TMEM40: variants seen among roughly 807,000 people sequenced by gnomAD.
TMEM40 encodes the protein transmembrane protein 40.
In TMEM40, 34 loss-of-function variants were observed where a neutral mutation model predicts 40.8. The observed-to-expected ratio is 0.83, with a 90% confidence interval of 0.63 to 1.11. TMEM40 has a LOEUF of 1.11. Ranked by LOEUF, TMEM40 falls within the 50% of genes least tolerant of loss-of-function variation. The pLI, the probability that TMEM40 is intolerant of heterozygous loss-of-function variation, is 0.00. For synonymous variants in TMEM40, 106 were observed against 107.0 expected, an observed-to-expected ratio of 0.99 and a Z score of 0.06; for missense variants, 296 against 280.2, an observed-to-expected ratio of 1.06 and a Z score of -0.40.
Position 12,768,901 on chromosome 3 carries a change from G to GC in TMEM40, c.-9+349dup, listed in dbSNP as rs1412461747. Among the ~76,000 whole-genome samples, 50 of 123,228 alleles carry GC rather than the reference G, an allele frequency of 4.1e-4. 1 individual carries two copies. In the East Asian group the frequency reaches 4.3e-3, roughly 10 times the overall value. 80.8% of individuals were successfully genotyped at this position (123,228 alleles called of 152,430 possible). On this transcript the variant is annotated intron_variant, in intron 1 of 11. Coordinates refer to the TMEM40 transcript ENST00000264728. ...GGAGCCCATGGCGGGGCGGGGCGGG[G>GC]CAGGGCGGGCCGGGGCCGGGGCCGG...
intron 1 of TMEM40, among the ~76,000 whole-genome samples, chr3:12,753,094 G>A (rs1273407832): frequency 2.6e-5 from 4 of 152,124 alleles, no homozygotes; most frequent in Non-Finnish European, 1.5e-5. Flanking sequence ...TGAAGGGGAG[G>A]AATGGAACCA....
intron 1 of TMEM40, among the ~76,000 whole-genome samples, chr3:12,753,357 T>C (rs145853708): frequency 0.016 from 2,487 of 151,682 alleles, 64 homozygotes; most frequent in African/African-American, 0.053. Flanking sequence ...GCTGGGACTA[T>C]AGGCATTTGC....
At chr3:12,753,211 C>T (rs373990038) in intron 1 of TMEM40, among the ~76,000 whole-genome samples, 1 of 76,308 alleles carries the variant, frequency 1.3e-5, no homozygotes, top group Non-Finnish European at 2.3e-5. Context: ...TTCTTTCTTT[C>T]TTTTTTTTTT....
At chr3:12,739,814 A>G (rs2061367383) in intron 5 of TMEM40, among the ~76,000 whole-genome samples, 1 of 151,826 alleles carries the variant, frequency 6.6e-6, no homozygotes, top group African/African-American at 2.4e-5. Flanking sequence ...TCACATTCAT[A>G]ATTTTATTTT....
intron 1 of TMEM40, among the ~76,000 whole-genome samples, chr3:12,751,053 T>C (rs904464349): frequency 6.6e-6 from 1 of 152,058 alleles, no homozygotes; most frequent in Non-Finnish European, 1.5e-5. Context: ...GATGGAAGCA[T>C]GGGCTAGTTA....
intron 5 of TMEM40, among the ~76,000 whole-genome samples, chr3:12,742,224 C>T (rs1445394440): frequency 3.3e-5 from 5 of 151,996 alleles, no homozygotes; most frequent in African/African-American, 1.2e-4. Context: ...AGTGAGACTC[C>T]GTCTCAAAAC....
Position 12,734,609 on chromosome 3 carries a change from G to T in TMEM40, c.*165C>A. The T allele has an allele frequency of 1.3e-6, 1 of 779,290 alleles. No individual in the cohort carries two copies. The highest frequency in any genetic ancestry group is 2.1e-6 in the Non-Finnish European group (1 of 484,694). 48.3% of individuals were successfully genotyped at this position (779,290 alleles called of 1,614,324 possible). ...CTGCCCAAATGAGATGCCCCTGCCC[G>T]GGCTGGTGCCAACATTCAGACCACA... is the stretch of plus-strand genomic sequence containing the variant. On this transcript the variant is annotated 3_prime_UTR_variant, in exon 12 of 12. Transcript: ENST00000314124.
chr3:12,753,502 G>T (rs966606203), intron 1 of TMEM40, among the ~76,000 whole-genome samples: 1 of 151,976 alleles, frequency 6.6e-6, no homozygotes, highest in Non-Finnish European at 1.5e-5. Flanking sequence ...GACGTTACAG[G>T]CATGAGCCAC....
intron 1 of TMEM40, 107 bp from the exon 2 acceptor site, chr3:12,749,947 G>T: frequency 9.2e-7 from 1 of 1,084,636 alleles, no homozygotes; most frequent in Non-Finnish European, 1.3e-6. Flanking sequence ...AACATTCAAA[G>T]GAATAAGAAA....
intron 1 of TMEM40, among the ~76,000 whole-genome samples, chr3:12,754,934 C>CTTCTT (rs1450662287): frequency 1.3e-5 from 2 of 151,790 alleles, no homozygotes; most frequent in Admixed American, 6.6e-5. Flanking sequence ...AAAGAATTTT[C>CTTCTT]TTCTTTTCTT....
Position 12,743,995 on chromosome 3 carries a change from G to A in TMEM40, c.212-6C>T, listed in dbSNP as rs752754324. The A allele has an allele frequency of 6.8e-6, 11 of 1,609,954 alleles. No individual in the cohort carries two copies. Among genetic ancestry groups the A allele is most frequent in the Non-Finnish European group, 9.3e-6 (11 of 1,178,282 alleles). ...CTGGTCCTCATCATTGCTCTCTGCG[G>A]GTAACAAACACAAGCTGTAGGAGAA... On this transcript the variant is annotated splice_polypyrimidine_tract_variant and splice_region_variant and intron_variant, in intron 3 of 11. Coordinates refer to ENST00000314124, the MANE Select transcript of TMEM40 (RefSeq NM_018306.4).
At chr3:12,746,938 C>A (rs1285412978) in intron 3 of TMEM40, among the ~76,000 whole-genome samples, 2 of 152,162 alleles carry the variant, frequency 1.3e-5, no homozygotes, top group Admixed American at 6.5e-5. Context: ...AGGCAACAAA[C>A]AGCCCCCTGC....
chr3:12,747,910 C>CAAAAAAAAAAA (rs747586371), intron 3 of TMEM40, among the ~76,000 whole-genome samples: 11 of 27,582 alleles, frequency 4.0e-4, no homozygotes, highest in African/African-American at 1.2e-3. Context: ...GATTCTGTCT[C>CAAAAAAAAAAA]AAAAAAAAAA....
intron 1 of TMEM40, among the ~76,000 whole-genome samples, chr3:12,756,807 C>T (rs1272684537): frequency 6.6e-6 from 1 of 151,900 alleles, no homozygotes; most frequent in Non-Finnish European, 1.5e-5. Context: ...CTTTCTCTCT[C>T]TCTCACACAC....
chr3:12,758,575 AG>A (rs2061546560), intron 1 of TMEM40, among the ~76,000 whole-genome samples: 1 of 152,086 alleles, frequency 6.6e-6, no homozygotes, highest in African/African-American at 2.4e-5. Context: ...AACAGGCAGC[AG>A]GGCCCCCTCC....
chr3:12,743,196 G>A (rs973066461), intron 4 of TMEM40, among the ~76,000 whole-genome samples: 4 of 152,164 alleles, frequency 2.6e-5, no homozygotes, highest in African/African-American at 7.2e-5. Flanking sequence ...GGCCAGGCAC[G>A]GTGGCTCACC....
intron 4 of TMEM40, among the ~76,000 whole-genome samples, chr3:12,743,527 T>C (rs892970356): frequency 6.6e-6 from 1 of 152,176 alleles, no homozygotes; most frequent in African/African-American, 2.4e-5. Context: ...ATTTATAGTA[T>C]AGGACAGTTC....
intron 3 of TMEM40, among the ~76,000 whole-genome samples, chr3:12,744,216 G>T (rs2061408589): frequency 6.6e-6 from 1 of 152,092 alleles, no homozygotes; most frequent in African/African-American, 2.4e-5. Flanking sequence ...TAATATTTCT[G>T]CTTCTGCCTT....
At position 12,755,233 on chromosome 3, in the gene TMEM40, C is replaced by CTCTCTCTCTT. The variant is rs1553634013; in HGVS notation, c.-9+3957_-9+3958insAAGAGAGAGA. Among the ~76,000 whole-genome samples the CTCTCTCTCTT allele has an allele frequency of 3.2e-3, 191 of 59,916 alleles. 1 individual carries two copies. Among genetic ancestry groups the CTCTCTCTCTT allele is most frequent in the Non-Finnish European group, 4.1e-3 (123 of 29,980 alleles). The allele number at this position is 59,916 out of a possible 152,430, so 39.3% of individuals were successfully genotyped here. On this transcript the variant is annotated intron_variant, in intron 1 of 11. Coordinates refer to ENST00000314124, the MANE Select transcript of TMEM40 (RefSeq NM_018306.4). ...TTTCTTTCTCTCTCTCTCTCTCTCTCTCTTTCTTTCTTTCTTTCTTTCTTT... is the reference window on the plus strand; with the variant it reads ...TTTCTTTCTCTCTCTCTCTCTCTCTCTCTCTCTCTTTCTTTCTTTCTTTCTTTCTTTCTTT...
Sources: allele counts gnomAD v4.1 joint callset (sites outside exome capture counted in the v4.1 genomes callset), GRCh38; gene constraint gnomAD v4.1.1; transcripts MANE v1.5; gene names NCBI Gene and HGNC (gene_info 2026-07-23, HGNC 2026-07-21).